MYO3B: variants seen among roughly 807,000 people sequenced by gnomAD.
MYO3B encodes the protein myosin IIIB.
A neutral mutation model predicts 174.6 loss-of-function variants in MYO3B; 156 were observed. The observed-to-expected ratio is 0.89, with a 90% CI of 0.78 to 1.02. The LOEUF (loss-of-function observed/expected upper bound fraction) is 1.02, where lower values mean the gene tolerates loss of function less well. Ranked by LOEUF, MYO3B falls within the 50% of genes least tolerant of loss-of-function variation. MYO3B has a pLI of 0.00. For missense variants in MYO3B, 1,632 were observed against 1,639.4 expected (o/e 1.00, Z 0.08); for synonymous variants, 563 against 569.1 (o/e 0.99, Z 0.15).
intron 32 of MYO3B, among the ~76,000 whole-genome samples, chr2:170,551,344 A>AT (rs1280047704): frequency 2.1e-3 from 17 of 8,120 alleles, no homozygotes; most frequent in African/African-American, 3.9e-3. Flanking sequence ...ATTTAATTTA[A>AT]TTTAATTATT....
intron 1 of MYO3B, among the ~76,000 whole-genome samples, chr2:170,197,328 T>C (rs12998053): frequency 0.38 from 58,212 of 151,994 alleles, 11,385 homozygotes; most frequent in African/African-American, 0.46. Context: ...GAATTGATTT[T>C]GTTTGTGCAG....
At chr2:170,265,976 T>C (rs866505080) in intron 7 of MYO3B, among the ~76,000 whole-genome samples, 1 of 152,162 alleles carries the variant, frequency 6.6e-6, no homozygotes, top group South Asian at 2.1e-4. Context: ...TTCTGTTCAC[T>C]TGTGGATGGC....
intron 7 of MYO3B, among the ~76,000 whole-genome samples, chr2:170,323,154 G>A (rs1052407403): frequency 1.3e-5 from 2 of 152,166 alleles, no homozygotes; most frequent in Non-Finnish European, 2.9e-5. Flanking sequence ...GACAAATGGT[G>A]CTTGTTGAAC....
chr2:170,428,941 A>G (rs1193279539), intron 22 of MYO3B, among the ~76,000 whole-genome samples: 1 of 152,154 alleles, frequency 6.6e-6, no homozygotes, highest in African/African-American at 2.4e-5. Context: ...TGTCCTTTTC[A>G]TTGCTTCCAT....
At chr2:170,360,902 C>T (rs1033721356) in intron 8 of MYO3B, among the ~76,000 whole-genome samples, 1 of 152,198 alleles carries the variant, frequency 6.6e-6, no homozygotes, top group Non-Finnish European at 1.5e-5. Context: ...TCTTGGAATT[C>T]TCAGCCGTCA....
intron 10 of MYO3B, chr2:170,382,432 C>T (rs1174892211): frequency 5.1e-6 from 1 of 196,332 alleles, no homozygotes; most frequent in African/African-American, 2.3e-5. Context: ...TCAATTAACC[C>T]TTAAGAAGTT....
chr2:170,270,624 C>A (rs2093418588), intron 7 of MYO3B, among the ~76,000 whole-genome samples: 2 of 152,142 alleles, frequency 1.3e-5, no homozygotes, highest in African/African-American at 4.8e-5. Context: ...CCTGTCCTTG[C>A]TGCCCTGCCC....
At chr2:170,362,489 T>C (rs756763524) in intron 8 of MYO3B, among the ~76,000 whole-genome samples, 11 of 152,206 alleles carry the variant, frequency 7.2e-5, no homozygotes, top group Non-Finnish European at 1.3e-4. Flanking sequence ...CTCTTGCTTT[T>C]TACACAGACT....
intron 24 of MYO3B, 111 bp downstream of exon 24, chr2:170,463,556 A>G: frequency 1.1e-6 from 1 of 940,668 alleles, no homozygotes; most frequent in Admixed American, 2.3e-5. Context: ...CACAGAGTCA[A>G]GAAAGATTGG....
At chr2:170,453,150 A>G (rs2105932217) in intron 23 of MYO3B, among the ~76,000 whole-genome samples, 1 of 152,274 alleles carries the variant, frequency 6.6e-6, no homozygotes, top group Admixed American at 6.5e-5. Flanking sequence ...ACAACATGAG[A>G]AACTTCATCC....
At chr2:170,302,295 T>C (rs888241967) in intron 7 of MYO3B, among the ~76,000 whole-genome samples, 1 of 152,218 alleles carries the variant, frequency 6.6e-6, no homozygotes, top group African/African-American at 2.4e-5. Context: ...AAAACATAAA[T>C]GTACACAATA....
chr2:170,252,716 G>C (rs1015640570), intron 7 of MYO3B, among the ~76,000 whole-genome samples: 4 of 152,188 alleles, frequency 2.6e-5, no homozygotes, highest in African/African-American at 9.7e-5. Context: ...AGAGAATACA[G>C]AGTGACAGTT....
chr2:170,236,493 G>A (rs943758870), intron 7 of MYO3B, among the ~76,000 whole-genome samples: 2 of 152,044 alleles, frequency 1.3e-5, no homozygotes, highest in African/African-American at 4.8e-5. Flanking sequence ...ACTTTCTCTA[G>A]TATTCAGTGA....
intron 32 of MYO3B, among the ~76,000 whole-genome samples, chr2:170,622,827 G>GT (rs1696055531): frequency 6.6e-6 from 1 of 150,494 alleles, no homozygotes; most frequent in African/African-American, 2.4e-5. Context: ...GCGGTGTTTG[G>GT]TTTTTTGTCC....
At chr2:170,569,382 G>A (rs1692279254) in intron 32 of MYO3B, among the ~76,000 whole-genome samples, 1 of 152,112 alleles carries the variant, frequency 6.6e-6, no homozygotes, top group African/African-American at 2.4e-5. Flanking sequence ...CACTTAGTCA[G>A]TAACAGCCTC....
At chr2:170,316,007 A>G (rs916726164) in intron 7 of MYO3B, among the ~76,000 whole-genome samples, 1 of 152,220 alleles carries the variant, frequency 6.6e-6, no homozygotes, top group Non-Finnish European at 1.5e-5. Context: ...TGTCTGGGCT[A>G]TTTCAGAGAT....
intron 22 of MYO3B, among the ~76,000 whole-genome samples, chr2:170,440,805 T>G (rs928217036): frequency 4.9e-5 from 7 of 144,014 alleles, no homozygotes; most frequent in Middle Eastern, 3.5e-3. Flanking sequence ...TTGGTTTTTT[T>G]TTTTTTTTTT....
chr2:170,346,344 T>C (rs2094015706), intron 8 of MYO3B: 1 of 152,196 alleles, frequency 6.6e-6, no homozygotes. Flanking sequence ...GTTAGTGTAT[T>C]TTATGTGTGG....
chr2:170,414,924 C>T (rs1282459952), intron 22 of MYO3B, among the ~76,000 whole-genome samples: 5 of 152,200 alleles, frequency 3.3e-5, no homozygotes, highest in Non-Finnish European at 4.4e-5. Context: ...CTTTGTCACT[C>T]ACAACCTTGC....
Sources: gnomAD v4.1 joint callset for allele counts (sites outside exome capture counted in the v4.1 genomes callset) on GRCh38, gnomAD v4.1.1 for gene constraint, MANE v1.5 for transcripts, NCBI Gene and HGNC (gene_info 2026-07-23, HGNC 2026-07-21) for gene names.